Variants in TNRC6B observed in about 807,000 individuals in gnomAD.
TNRC6B encodes trinucleotide repeat-containing gene 6B protein.
In TNRC6B, 52 loss-of-function variants were observed where a neutral mutation model predicts 203.6. The observed-to-expected ratio is 0.26, with a 90% CI of 0.20 to 0.32. The LOEUF (loss-of-function observed/expected upper bound fraction) is 0.32, where lower values mean the gene tolerates loss of function less well. TNRC6B is among the 10% of genes least tolerant of loss of function. The pLI is 1.00. For synonymous variants in TNRC6B, 838 were observed against 845.7 expected (o/e 0.99, Z 0.16); for missense variants, 1,923 against 2,286.2 (o/e 0.84, Z 3.24).
At chr22:40,158,111 GTGGATCAC>G (rs2068834426) in intron 4 of TNRC6B, among the ~76,000 whole-genome samples, 1 of 152,162 alleles carries the variant, frequency 6.6e-6, no homozygotes, top group Non-Finnish European at 1.5e-5. Context: ...GCCAAGGCGA[GTGGATCAC>G]TTGAGGTTGG....
chr22:40,230,823 G>A (rs915333503), intron 1 of TNRC6B, among the ~76,000 whole-genome samples: 1 of 151,652 alleles, frequency 6.6e-6, no homozygotes, highest in Non-Finnish European at 1.5e-5. Context: ...TCTAACATAG[G>A]GTCACAAAGA....
chr22:40,187,991 G>A (rs747845250), intron 1 of TNRC6B, among the ~76,000 whole-genome samples: 5 of 152,234 alleles, frequency 3.3e-5, no homozygotes, highest in East Asian at 1.9e-4. Context: ...AGGCTGAGGC[G>A]GGTGGATCAC....
At chr22:40,190,897 G>T (rs1569014337) in intron 1 of TNRC6B, among the ~76,000 whole-genome samples, 1 of 152,342 alleles carries the variant, frequency 6.6e-6, no homozygotes, top group East Asian at 1.9e-4. Context: ...TACTGCATCA[G>T]TATTTATTGA....
chr22:40,046,612 AAT>A (rs2067689904), intron 1 of TNRC6B, among the ~76,000 whole-genome samples: 1 of 143,024 alleles, frequency 7.0e-6, no homozygotes, highest in African/African-American at 3.0e-5. Context: ...GAAGCACTTA[AAT>A]TTTTTTTTTT....
At chr22:40,069,561 C>A (rs2067929021) in intron 1 of TNRC6B, among the ~76,000 whole-genome samples, 1 of 149,652 alleles carries the variant, frequency 6.7e-6, no homozygotes, top group African/African-American at 2.5e-5. Context: ...GATCTCGGCT[C>A]ACCGCAACCT....
chr22:40,217,972 C>CAAA (rs138025), intron 1 of TNRC6B, among the ~76,000 whole-genome samples: 34,368 of 112,186 alleles, frequency 0.31, 6,358 homozygotes, highest in East Asian at 0.54. Context: ...GACTCCATCT[C>CAAA]AAAAAAAAAA....
chr22:40,096,263 C>T (rs2068185417), intron 1 of TNRC6B, among the ~76,000 whole-genome samples: 1 of 152,036 alleles, frequency 6.6e-6, no homozygotes. Context: ...AATCATTGGC[C>T]ATAAGGAACA....
chr22:40,094,650 G>A (rs2146299619), intron 1 of TNRC6B, among the ~76,000 whole-genome samples: 1 of 152,306 alleles, frequency 6.6e-6, no homozygotes, highest in Middle Eastern at 3.4e-3. Flanking sequence ...CTGCCCTTGA[G>A]TTGGCTTAAG....
intron 15 of TNRC6B, among the ~76,000 whole-genome samples, chr22:40,301,979 A>C (rs1294898367): frequency 3.9e-5 from 6 of 152,206 alleles, no homozygotes; most frequent in Admixed American, 3.9e-4. Flanking sequence ...TAAAATATGT[A>C]CTAGTTTGAA....
chr22:40,088,074 G>C (rs1237802955), intron 1 of TNRC6B, among the ~76,000 whole-genome samples: 3 of 152,088 alleles, frequency 2.0e-5, no homozygotes, highest in Non-Finnish European at 4.4e-5. Context: ...TTAATAAACG[G>C]AATTATTTTT....
intron 1 of TNRC6B, among the ~76,000 whole-genome samples, chr22:40,076,959 A>G (rs970645345): frequency 6.6e-6 from 1 of 152,000 alleles, no homozygotes; most frequent in African/African-American, 2.4e-5. Context: ...CAGGAATTTG[A>G]GACTAGTCTG....
chr22:40,082,176 A>G lies in TNRC6B; in HGVS notation c.-120-34879A>G, dbSNP rs576474158. On this transcript the variant is annotated intron_variant, in intron 1 of 23. Transcript: ENST00000301923. ...TTTTGTATATGTTAGTAAATTTTCA[A>G]AGTGAGTTTTAAATAAATGAATAAG... is the stretch of plus-strand genomic sequence containing the variant. Among the ~76,000 whole-genome samples the G allele has an allele frequency of 1.8e-4, 28 of 152,272 alleles. No individual in the cohort carries two copies. In the South Asian group the frequency reaches 5.6e-3, roughly 30 times the overall value.
intron 21 of TNRC6B, among the ~76,000 whole-genome samples, chr22:40,320,516 A>G (rs1325158726): frequency 6.6e-6 from 1 of 152,194 alleles, no homozygotes; most frequent in Non-Finnish European, 1.5e-5. Context: ...ATGCAAAATA[A>G]GTTAATCAGA....
At chr22:40,171,955 G>A (rs1287946585) in intron 4 of TNRC6B, among the ~76,000 whole-genome samples, 1 of 152,070 alleles carries the variant, frequency 6.6e-6, no homozygotes, top group Non-Finnish European at 1.5e-5. Flanking sequence ...CCGCCTCCTG[G>A]GTTCAGGTGA....
intron 1 of TNRC6B, among the ~76,000 whole-genome samples, chr22:40,205,635 A>T (rs4821932): frequency 0.68 from 103,212 of 152,066 alleles, 36,783 homozygotes; most frequent in African/African-American, 0.9. Context: ...ATATCTGGAA[A>T]CTACCACTGC....
intron 1 of TNRC6B, among the ~76,000 whole-genome samples, chr22:40,088,520 T>C (rs988594507): frequency 3.9e-5 from 6 of 152,020 alleles, no homozygotes; most frequent in African/African-American, 1.4e-4. Context: ...CCAGCAATTC[T>C]CCTGCCTCAG....
intron 3 of TNRC6B, among the ~76,000 whole-genome samples, chr22:40,257,679 G>A (rs2070301417): frequency 1.3e-5 from 2 of 151,232 alleles, no homozygotes; most frequent in African/African-American, 4.9e-5. Context: ...TCACGCCACT[G>A]TACTCCAGCC....
intron 1 of TNRC6B, among the ~76,000 whole-genome samples, chr22:40,100,055 C>T (rs1601814598): frequency 7.1e-6 from 1 of 140,012 alleles, no homozygotes; most frequent in African/African-American, 2.7e-5. Context: ...CTGGCCCCTC[C>T]ATTTTATTTT....
chr22:40,255,847 T>C (rs2070269145), intron 3 of TNRC6B, among the ~76,000 whole-genome samples: 1 of 71,624 alleles, frequency 1.4e-5, no homozygotes, highest in African/African-American at 3.8e-5. Context: ...TGTTTGCTTG[T>C]TTGTTTGTTT....
Sources: gnomAD v4.1 joint callset for allele counts (sites outside exome capture counted in the v4.1 genomes callset) on GRCh38, gnomAD v4.1.1 for gene constraint, MANE v1.5 for transcripts, NCBI Gene and HGNC (gene_info 2026-07-23, HGNC 2026-07-21) for gene names.